The following ARHGAP26 variants were observed in gnomAD, a reference collection of about 807,000 sequenced individuals.
ARHGAP26 encodes the protein rho GTPase-activating protein 26.
In ARHGAP26, 38 loss-of-function variants were observed where a neutral mutation model predicts 104.8. That is an observed-to-expected ratio of 0.36 (90% CI 0.28 to 0.48). ARHGAP26 has a LOEUF of 0.48. Ranked by LOEUF, ARHGAP26 falls within the 20% of genes least tolerant of loss-of-function variation. The pLI is 0.99. For synonymous variants in ARHGAP26, 341 were observed against 340.0 expected (o/e 1.00, Z -0.03); for missense variants, 704 against 947.9 (o/e 0.74, Z 3.38).
rs551317084 is a variant in ARHGAP26 at position 142,986,018 on chromosome 5, A to G, written c.1108-28062A>G. Among the ~76,000 whole-genome samples, 393 of 152,282 alleles carry G rather than the reference A, an allele frequency of 2.6e-3. 2 individuals are homozygous for G. The highest frequency in any genetic ancestry group is 3.2e-3 in the Non-Finnish European group (220 of 68,024). On this transcript the variant is annotated intron_variant, in intron 11 of 22. Transcript: ENST00000645722. ...ATGATTTATAATTCCTTTGGTATAT[A>G]CCCAGTAATGGGATGGCTGGGTCAA...
At chr5:142,881,544 AT>A (rs766406899) in intron 4 of ARHGAP26, among the ~76,000 whole-genome samples, 4 of 152,274 alleles carry the variant, frequency 2.6e-5, no homozygotes, top group Admixed American at 6.5e-5. Context: ...ATGAATAATT[AT>A]TGATTATTAA....
chr5:143,149,285 A>T (rs1799529649), intron 20 of ARHGAP26, among the ~76,000 whole-genome samples: 1 of 152,024 alleles, frequency 6.6e-6, no homozygotes, highest in South Asian at 2.1e-4. Flanking sequence ...CAACAAGACC[A>T]CTGTCCTTCC....
At chr5:143,157,790 T>C (rs1369629136) in intron 20 of ARHGAP26, among the ~76,000 whole-genome samples, 5 of 152,174 alleles carry the variant, frequency 3.3e-5, no homozygotes, top group Middle Eastern at 3.2e-3. Context: ...CTGAAATGGG[T>C]TATAGGGTTA....
At chr5:143,035,706 C>T (rs553382804) in intron 12 of ARHGAP26, among the ~76,000 whole-genome samples, 31 of 152,068 alleles carry the variant, frequency 2.0e-4, no homozygotes, top group Middle Eastern at 3.4e-3. Flanking sequence ...GAGGCCGAGG[C>T]GGGTAGATCA....
chr5:143,160,820 T>C (rs1801138633), intron 20 of ARHGAP26, among the ~76,000 whole-genome samples: 1 of 152,128 alleles, frequency 6.6e-6, no homozygotes, highest in South Asian at 2.1e-4. Context: ...CCATTGGTCA[T>C]TGAATCATTC....
At chr5:143,211,298 C>T (rs1003991375) in intron 21 of ARHGAP26, among the ~76,000 whole-genome samples, 23 of 152,028 alleles carry the variant, frequency 1.5e-4, no homozygotes, top group African/African-American at 5.1e-4. Flanking sequence ...TGGGACATAA[C>T]GTATACTAAA....
chr5:142,770,776 G>T lies in ARHGAP26; in HGVS notation c.15G>T (p.Ala5=), dbSNP rs1281251385. 1 of 1,533,662 alleles carries T rather than the reference G, an allele frequency of 6.5e-7. No homozygotes were observed. The highest frequency in any genetic ancestry group is 1.2e-5 in the South Asian group (1 of 82,920). ...CCGCGCGCACCATGGGGCTCCCAGC[G>T]CTCGAGTTCAGCGACTGCTGCCTCG... is the stretch of plus-strand genomic sequence containing the variant. MGLP[A]LEFSDCCLDS... is the part of the protein sequence containing the mutation. The change falls in exon 1 of 23, where the codon GCG becomes GCT. Residue 5 remains alanine (A), a synonymous_variant. Transcript: ENST00000645722.
intron 20 of ARHGAP26, among the ~76,000 whole-genome samples, chr5:143,157,353 G>A (rs1252999161): frequency 6.6e-6 from 1 of 151,780 alleles, no homozygotes; most frequent in Non-Finnish European, 1.5e-5. Flanking sequence ...ATTTTTATAT[G>A]TTTTGGCAGA....
chr5:142,976,663 T>G (rs1355019111), intron 11 of ARHGAP26, among the ~76,000 whole-genome samples: 1 of 152,196 alleles, frequency 6.6e-6, no homozygotes. Context: ...TTTTTTTACA[T>G]GCCAAAAATA....
intron 18 of ARHGAP26, among the ~76,000 whole-genome samples, chr5:143,130,935 G>T (rs1298125867): frequency 1.3e-5 from 2 of 152,224 alleles, no homozygotes; most frequent in Non-Finnish European, 2.9e-5. Context: ...ACATTTTGCA[G>T]TGTGCTTCCT....
intron 1 of ARHGAP26, among the ~76,000 whole-genome samples, chr5:142,853,671 G>A (rs1392706904): frequency 6.6e-6 from 1 of 152,228 alleles, no homozygotes; most frequent in Non-Finnish European, 1.5e-5. Context: ...CTAGCACAGA[G>A]TAAGCTTTCA....
At chr5:143,089,986 A>G (rs1044704302) in intron 17 of ARHGAP26, among the ~76,000 whole-genome samples, 1 of 152,214 alleles carries the variant, frequency 6.6e-6, no homozygotes, top group Admixed American at 6.5e-5. Flanking sequence ...GTCCACCACA[A>G]TACCACCACA....
chr5:142,851,258 G>A lies in ARHGAP26; in HGVS notation c.155-22142G>A, dbSNP rs146493195. ...ATTACAGATGTGTGCCACCATGCCC[G>A]GCTAATTTTTGTATTTTTAGTAGAG... On this transcript the variant is annotated intron_variant, in intron 1 of 22. Transcript: ENST00000645722. Among the ~76,000 whole-genome samples, 20 of 151,176 alleles carry A rather than the reference G, an allele frequency of 1.3e-4. 1 individual carries two copies. The highest frequency in any genetic ancestry group is 5.8e-4 in the East Asian group (3 of 5,170).
At chr5:143,186,933 A>C (rs1025604303) in intron 20 of ARHGAP26, among the ~76,000 whole-genome samples, 1 of 152,226 alleles carries the variant, frequency 6.6e-6, no homozygotes, top group Non-Finnish European at 1.5e-5. Context: ...TAGGATTTAG[A>C]GATGGTACAA....
At chr5:143,055,030 G>C (rs1323955760) in intron 15 of ARHGAP26, among the ~76,000 whole-genome samples, 1 of 152,070 alleles carries the variant, frequency 6.6e-6, no homozygotes, top group Non-Finnish European at 1.5e-5. Context: ...TATTTTCCTT[G>C]TATCATTTAT....
Position 143,121,819 on chromosome 5 carries a change from C to T in ARHGAP26, c.1698+672C>T, listed in dbSNP as rs562174297. On this transcript the variant is annotated intron_variant, in intron 18 of 22. Transcript: ENST00000645722. Reference sequence around the variant, plus strand: ...AAAGCTGCAGTCCTCTCACCCACTTCATTGCTCTTATGAGCAAATCCATAT... The same window carrying T: ...AAAGCTGCAGTCCTCTCACCCACTTTATTGCTCTTATGAGCAAATCCATAT... 1.1e-4 allele frequency among the ~76,000 whole-genome samples: 16 copies of T among 152,302 alleles called. 1 individual carries two copies. In the South Asian group the frequency reaches 3.1e-3, roughly 30 times the overall value.
In ARHGAP26 at chr5:143,226,575, C is replaced by G. The variant is rs371865790; in HGVS notation, c.*4129C>G. Reference sequence around the variant, plus strand: ...CCCAGGCAAGTAAAACCCTGACTTGCTCAAGACAGAAGATCTTTTCTCCTG... The same window carrying G: ...CCCAGGCAAGTAAAACCCTGACTTGGTCAAGACAGAAGATCTTTTCTCCTG... On this transcript the variant is annotated 3_prime_UTR_variant, in exon 23 of 23. Transcript: ENST00000645722. The G allele has an allele frequency of 2.4e-5, 5 of 204,694 alleles. No homozygotes were observed. Among genetic ancestry groups the G allele is most frequent in the African/African-American group, 9.2e-5 (4 of 43,648 alleles). The allele number at this position is 204,694 out of a possible 1,614,324, so 12.7% of individuals were successfully genotyped here.
chr5:143,127,545 T>G (rs1459888011), intron 18 of ARHGAP26, among the ~76,000 whole-genome samples: 1 of 152,188 alleles, frequency 6.6e-6, no homozygotes, highest in Non-Finnish European at 1.5e-5. Flanking sequence ...ACCTCAGATG[T>G]CAAGGAGAGG....
At chr5:142,893,848 G>A (rs867309136) in intron 5 of ARHGAP26, among the ~76,000 whole-genome samples, 5 of 150,982 alleles carry the variant, frequency 3.3e-5, no homozygotes, top group African/African-American at 7.3e-5. Flanking sequence ...GATGTTGAAC[G>A]TTTTTTAATA....
Sources: allele counts gnomAD v4.1 joint callset (sites outside exome capture counted in the v4.1 genomes callset), GRCh38; gene constraint gnomAD v4.1.1; transcripts MANE v1.5; gene names NCBI Gene and HGNC (gene_info 2026-07-23, HGNC 2026-07-21).